Variants in TBPL1 observed in about 807,000 individuals in gnomAD.
TBPL1 encodes the protein TATA-box binding protein like 1.
In TBPL1, 4 loss-of-function variants were observed where a neutral mutation model predicts 22.1. That is an observed-to-expected ratio of 0.18 (90% CI 0.09 to 0.41). The LOEUF (loss-of-function observed/expected upper bound fraction) is 0.41, where lower values mean the gene tolerates loss of function less well. Among genes scored for constraint, TBPL1 ranks in the 10% least tolerant of loss-of-function variants. The probability of loss-of-function intolerance (pLI) is 1.00; values close to 1 mark genes in which losing one functional copy is unlikely to be tolerated. For missense variants in TBPL1, 115 were observed against 222.3 expected, an observed-to-expected ratio of 0.52 and a Z score of 3.07; for synonymous variants, 64 against 71.0, an observed-to-expected ratio of 0.90 and a Z score of 0.50.
chr6:133,960,953 T>G (rs1391290261), intron 1 of TBPL1, among the ~76,000 whole-genome samples: 1 of 152,208 alleles, frequency 6.6e-6, no homozygotes, highest in Admixed American at 6.5e-5. Context: ...AGAAATATAT[T>G]TTTGTATTTG....
chr6:133,979,510 T>G (rs1412475807), intron 1 of TBPL1, among the ~76,000 whole-genome samples: 3 of 152,198 alleles, frequency 2.0e-5, no homozygotes, highest in Non-Finnish European at 4.4e-5. Flanking sequence ...TAGCAGGAGA[T>G]AAGTCTGGCA....
intron 1 of TBPL1, among the ~76,000 whole-genome samples, chr6:133,975,485 A>G (rs1776297298): frequency 6.6e-6 from 1 of 152,212 alleles, no homozygotes; most frequent in Non-Finnish European, 1.5e-5. Context: ...TCTTCAGGTA[A>G]CGTCTTCTAA....
At position 133,986,974 on chromosome 6, in the gene TBPL1, G is replaced by A. The variant is rs1414284373; in HGVS notation, c.495G>A (p.Lys165=). ...GSITVTGPNV[K]AVATAVEQIY... is the part of the protein sequence containing the mutation. ...TGTTTATTACAGGGCCCAATGTAAA[G>A]GCTGTTGCTACTGCTGTGGAACAGA... The change falls in exon 7 of 7, where the codon AAG becomes AAA. Residue 165 remains lysine (K), a synonymous_variant. Transcript: ENST00000237264. 1 of 1,608,308 alleles carries A rather than the reference G, an allele frequency of 6.2e-7. No homozygotes were observed. The highest frequency in any genetic ancestry group is 2.2e-5 in the East Asian group (1 of 44,546).
intron 1 of TBPL1, 24 bp from the exon 2 acceptor site, chr6:133,980,058 A>G: frequency 7.3e-7 from 1 of 1,376,478 alleles, no homozygotes; most frequent in Non-Finnish European, 9.5e-7. Flanking sequence ...AAGTTTAATG[A>G]CTTTATTTTG....
At chr6:133,963,288 C>T (rs1339442072) in intron 1 of TBPL1, among the ~76,000 whole-genome samples, 3 of 152,116 alleles carry the variant, frequency 2.0e-5, no homozygotes, top group Non-Finnish European at 4.4e-5. Flanking sequence ...TCAACCCAGT[C>T]GTTCTCAACT....
intron 1 of TBPL1, among the ~76,000 whole-genome samples, chr6:133,975,931 T>A (rs1776305341): frequency 6.6e-6 from 1 of 152,238 alleles, no homozygotes; most frequent in South Asian, 2.1e-4. Flanking sequence ...TATATGGTAG[T>A]GCCATGATTA....
At position 133,957,973 on chromosome 6, in the gene TBPL1, C is replaced by A. The variant is rs2268070; in HGVS notation, c.-45+4548C>A. ...TTCTACTAGAGCATTGAAATTCTTT[C>A]TTTCTTTCTGTTCACTGACTATTGG... On this transcript the variant is annotated intron_variant, in intron 1 of 6. Coordinates refer to ENST00000237264, the MANE Select transcript of TBPL1 (RefSeq NM_004865.4). 2.2e-3 allele frequency among the ~76,000 whole-genome samples: 333 copies of A among 152,290 alleles called. 8 individuals are homozygous for A. In the East Asian group the frequency reaches 0.047, roughly 21 times the overall value.
intron 1 of TBPL1, among the ~76,000 whole-genome samples, chr6:133,979,137 C>T (rs1307398919): frequency 6.6e-6 from 1 of 152,146 alleles, no homozygotes; most frequent in African/African-American, 2.4e-5. Flanking sequence ...CTTGGTAGAG[C>T]TCCTCCTGTA....
At chr6:133,971,614 A>G (rs2114356260) in intron 1 of TBPL1, among the ~76,000 whole-genome samples, 1 of 152,042 alleles carries the variant, frequency 6.6e-6, no homozygotes, top group South Asian at 2.1e-4. Flanking sequence ...TTGTTTTTTT[A>G]TAATAGCCAT....
chr6:133,966,166 T>G (rs1161182706), intron 1 of TBPL1, among the ~76,000 whole-genome samples: 2 of 152,108 alleles, frequency 1.3e-5, no homozygotes, highest in Non-Finnish European at 1.5e-5. Context: ...AACCTCAAGC[T>G]TACAGTTAAA....
Position 133,987,232 on chromosome 6 carries a change from G to T in TBPL1, c.*192G>T. ...CTGTAATATAAAAGGAAGTTTACAAGACATGATATTGCTGCTTTTACAAAA... is the reference window on the plus strand; with the variant it reads ...CTGTAATATAAAAGGAAGTTTACAATACATGATATTGCTGCTTTTACAAAA... On this transcript the variant is annotated 3_prime_UTR_variant, in exon 7 of 7. Transcript: ENST00000237264. The T allele has an allele frequency of 2.4e-6, 1 of 408,554 alleles. No homozygotes were observed. Among genetic ancestry groups the T allele is most frequent in the Non-Finnish European group, 4.4e-6 (1 of 229,024 alleles). 25.3% of individuals were successfully genotyped at this position (408,554 alleles called of 1,614,324 possible).
At chr6:133,980,348 G>C in intron 2 of TBPL1, 88 bp downstream of exon 2, 1 of 1,397,508 alleles carries the variant, frequency 7.2e-7, no homozygotes, top group Admixed American at 2.5e-5. Context: ...TCTACAGATA[G>C]TTTATGAGCA....
intron 1 of TBPL1, among the ~76,000 whole-genome samples, chr6:133,973,385 T>C (rs1396111705): frequency 1.3e-5 from 2 of 152,238 alleles, no homozygotes; most frequent in Non-Finnish European, 2.9e-5. Flanking sequence ...ATACTTTAAG[T>C]AGCTAGATTC....
At chr6:133,960,496 T>G (rs1194695659) in intron 1 of TBPL1, among the ~76,000 whole-genome samples, 1 of 151,738 alleles carries the variant, frequency 6.6e-6, no homozygotes, top group East Asian at 1.9e-4. Context: ...AACTTCCACT[T>G]CAGTGCGCAG....
At chr6:133,974,479 G>A (rs899757245) in intron 1 of TBPL1, among the ~76,000 whole-genome samples, 3 of 152,094 alleles carry the variant, frequency 2.0e-5, no homozygotes, top group Non-Finnish European at 2.9e-5. Flanking sequence ...GATTACAGGC[G>A]TGCACCACCA....
At chr6:133,986,925 C>T in intron 6 of TBPL1, 36 bp from the exon 7 acceptor site, 1 of 1,468,894 alleles carries the variant, frequency 6.8e-7, no homozygotes, top group Non-Finnish European at 9.3e-7. Context: ...CCTTTTCCAA[C>T]TCTTCTCACT....
Position 133,988,063 on chromosome 6 carries a change from C to T in TBPL1, c.*1023C>T, listed in dbSNP as rs1054991608. The T allele has an allele frequency of 6.6e-6, 1 of 152,066 alleles. No individual in the cohort carries two copies. Among genetic ancestry groups the T allele is most frequent in the Non-Finnish European group, 1.5e-5 (1 of 68,000 alleles). 9.4% of individuals were successfully genotyped at this position (152,066 alleles called of 1,614,324 possible). Reference sequence around the variant, plus strand: ...TAAGAGTCTTGTCAGAAGTTGGTAACATGGAGATGTTTTAACAAGAAGTGC... The same window carrying T: ...TAAGAGTCTTGTCAGAAGTTGGTAATATGGAGATGTTTTAACAAGAAGTGC... On this transcript the variant is annotated 3_prime_UTR_variant, in exon 7 of 7. Coordinates refer to ENST00000237264, the MANE Select transcript of TBPL1 (RefSeq NM_004865.4).
intron 1 of TBPL1, among the ~76,000 whole-genome samples, chr6:133,961,465 CTTTTTTT>C (rs61695774): frequency 2.0e-5 from 2 of 100,208 alleles, no homozygotes; most frequent in Non-Finnish European, 2.0e-5. Flanking sequence ...TTCTTTCTTT[CTTTTTTT>C]TTTTTTTTTT....
intron 1 of TBPL1, among the ~76,000 whole-genome samples, chr6:133,974,744 G>A (rs1399662909): frequency 6.6e-6 from 1 of 152,206 alleles, no homozygotes; most frequent in East Asian, 1.9e-4. Context: ...GTACCAGACT[G>A]TAAGAGAACA....
Sources: gnomAD v4.1 joint callset for allele counts (sites outside exome capture counted in the v4.1 genomes callset) on GRCh38, gnomAD v4.1.1 for gene constraint, MANE v1.5 for transcripts, NCBI Gene and HGNC (gene_info 2026-07-23, HGNC 2026-07-21) for gene names.